The following ZSCAN25 variants were observed in gnomAD, a reference collection of about 807,000 sequenced individuals.
ZSCAN25 encodes zinc finger and SCAN domain-containing protein 25.
In ZSCAN25, 27 loss-of-function variants were observed where a neutral mutation model predicts 38.7. The observed-to-expected ratio is 0.70, with a 90% CI of 0.51 to 0.96. The LOEUF (loss-of-function observed/expected upper bound fraction) is 0.96. ZSCAN25 is among the 40% of genes least tolerant of loss of function. The pLI, the probability that ZSCAN25 is intolerant of heterozygous loss-of-function variation, is 0.00. For missense variants in ZSCAN25, 637 were observed against 705.9 expected, an observed-to-expected ratio of 0.90 and a Z score of 1.11; for synonymous variants, 273 against 277.7, an observed-to-expected ratio of 0.98 and a Z score of 0.17.
chr7:99,687,910 C>A, the ZSCAN25 span, among the ~76,000 whole-genome samples: 1 of 152,156 alleles, frequency 6.6e-6, no homozygotes, highest in African/African-American at 2.4e-5. Flanking sequence ...AATCTCATAT[C>A]CAGACAAACT....
At position 99,631,817 on chromosome 7, in the gene ZSCAN25, C is replaced by T. The variant is rs549490230; in HGVS notation, c.*1797C>T. ...GCCCACGAGGCTGCACTGACTGGGT[C>T]GTAAATGTATCTGAGATGTCCACAC... On this transcript the variant is annotated 3_prime_UTR_variant, in exon 8 of 8. Coordinates refer to ENST00000394152, the MANE Select transcript of ZSCAN25 (RefSeq NM_145115.3). The T allele has an allele frequency of 1.1e-4, 109 of 985,396 alleles. No homozygotes were observed. Among genetic ancestry groups the T allele is most frequent in the African/African-American group, 9.8e-4 (56 of 57,328 alleles). 61.0% of individuals were successfully genotyped at this position (985,396 alleles called of 1,614,324 possible). A position where few individuals can be genotyped will look rare whatever the true frequency, so the allele number is the denominator to read the frequency against.
chr7:99,645,663 G>A, the ZSCAN25 span, among the ~76,000 whole-genome samples: 4 of 151,916 alleles, frequency 2.6e-5, no homozygotes, highest in East Asian at 3.9e-4. Flanking sequence ...GGTGTTAGAT[G>A]GTATCTTATT....
chr7:99,638,452 T>C, the ZSCAN25 span: 7 of 1,553,928 alleles, frequency 4.5e-6, no homozygotes, highest in Middle Eastern at 1.7e-4. Flanking sequence ...TCATTGATAA[T>C]GTGGTGCAGC....
In ZSCAN25 at chr7:99,629,149, C is replaced by A; in HGVS notation, c.806-42C>A. The A allele has an allele frequency of 1.3e-6, 2 of 1,543,154 alleles. No homozygotes were observed. The highest frequency in any genetic ancestry group is 2.1e-5 in the Admixed American group (1 of 47,670). ...AGAGTTCTAACATGTAAATGTCCTG[C>A]GGCTACCACAGAATCAATCTTTATC... is the stretch of plus-strand genomic sequence containing the variant. On this transcript the variant is annotated intron_variant, in intron 7 of 7. Coordinates refer to ENST00000394152, the MANE Select transcript of ZSCAN25 (RefSeq NM_145115.3). The surrounding 1 kb of genome is among the most constrained non-coding windows in gnomAD (Gnocchi z 5.6).
chr7:99,656,544 T>G, the ZSCAN25 span, among the ~76,000 whole-genome samples: 1 of 152,188 alleles, frequency 6.6e-6, no homozygotes, highest in Non-Finnish European at 1.5e-5. Context: ...AAAATTCTCT[T>G]TTTTGGTTGT....
chr7:99,658,464 T>G, the ZSCAN25 span, among the ~76,000 whole-genome samples: 5 of 152,094 alleles, frequency 3.3e-5, no homozygotes. Flanking sequence ...GTTAGTCTGA[T>G]GGGTTTGTGT....
At chr7:99,654,534 A>G in the ZSCAN25 span, among the ~76,000 whole-genome samples, 5 of 152,230 alleles carry the variant, frequency 3.3e-5, no homozygotes, top group African/African-American at 7.2e-5. Flanking sequence ...TAGTGCTGCA[A>G]TAAACATAAG....
chr7:99,669,483 G>A, the ZSCAN25 span, among the ~76,000 whole-genome samples: 2 of 152,218 alleles, frequency 1.3e-5, no homozygotes, highest in African/African-American at 4.8e-5. Context: ...ATTAAGCAAT[G>A]TCTGGAAGAT....
the ZSCAN25 span, among the ~76,000 whole-genome samples, chr7:99,693,732 T>C: frequency 6.6e-6 from 1 of 152,218 alleles, no homozygotes; most frequent in East Asian, 1.9e-4. Context: ...CGGGAGGGTA[T>C]CTCCTGGTCT....
chr7:99,665,300 T>A, the ZSCAN25 span: 15 of 1,614,186 alleles, frequency 9.3e-6, no homozygotes, highest in South Asian at 1.5e-4. Flanking sequence ...ATCCATGCTG[T>A]AGGCCCCAAA....
downstream of ZSCAN25, among the ~76,000 whole-genome samples, chr7:99,636,349 A>G (rs1808282952): frequency 6.6e-6 from 1 of 152,234 alleles, no homozygotes; most frequent in Admixed American, 6.5e-5. Flanking sequence ...TCTTGAAATC[A>G]AAAATCCCTC....
the ZSCAN25 span, among the ~76,000 whole-genome samples, chr7:99,697,633 A>G: frequency 6.6e-6 from 1 of 152,178 alleles, no homozygotes; most frequent in African/African-American, 2.4e-5. Flanking sequence ...CTCTTCTATA[A>G]TGGGTAGCAC....
chr7:99,688,680 C>T, the ZSCAN25 span, among the ~76,000 whole-genome samples: 3 of 152,166 alleles, frequency 2.0e-5, no homozygotes, highest in Admixed American at 6.5e-5. Context: ...ACCTAATAGC[C>T]ATCTACAGAA....
chr7:99,727,729 C>T, the ZSCAN25 span, among the ~76,000 whole-genome samples: 1 of 152,330 alleles, frequency 6.6e-6, no homozygotes, highest in African/African-American at 2.4e-5. Context: ...CCCCCCTCCA[C>T]TATCTCTCAG....
the ZSCAN25 span, chr7:99,735,122 C>CT: frequency 6.2e-7 from 1 of 1,613,490 alleles, no homozygotes; most frequent in African/African-American, 1.3e-5. Context: ...TCTCTCTCCT[C>CT]TGAGTCTTTT....
At chr7:99,634,265 A>G (rs1462409265), downstream of ZSCAN25, among the ~76,000 whole-genome samples, 1 of 152,224 alleles carries the variant, frequency 6.6e-6, no homozygotes. Flanking sequence ...AGTGTGTGCT[A>G]TGGGTGTTGT....
chr7:99,638,702 C>T, the ZSCAN25 span: 1 of 1,392,328 alleles, frequency 7.2e-7, no homozygotes, highest in Non-Finnish European at 1.0e-6. Flanking sequence ...CCGGCCGCAT[C>T]CAGGCGCAAC....
At chr7:99,641,987 T>C in the ZSCAN25 span, among the ~76,000 whole-genome samples, 1 of 152,254 alleles carries the variant, frequency 6.6e-6, no homozygotes, top group Non-Finnish European at 1.5e-5. Flanking sequence ...CCTCTCAGAA[T>C]AACAAAGTCC....
chr7:99,719,081 T>C, the ZSCAN25 span, among the ~76,000 whole-genome samples: 1 of 152,234 alleles, frequency 6.6e-6, no homozygotes, highest in Non-Finnish European at 1.5e-5. Flanking sequence ...TTTCCCTAAA[T>C]TGATCTATAC....
Sources: allele counts gnomAD v4.1 joint callset (sites outside exome capture counted in the v4.1 genomes callset), GRCh38; gene constraint gnomAD v4.1.1; non-coding constraint Gnocchi (gnomAD v3.1); transcripts MANE v1.5; gene names NCBI Gene and HGNC (gene_info 2026-07-23, HGNC 2026-07-21).